The following TBX15 variants were observed in gnomAD, a reference collection of about 807,000 sequenced individuals.
The protein encoded by TBX15 is T-box transcription factor 15, also known as T-box transcription factor TBX15.
A neutral mutation model predicts 53.9 loss-of-function variants in TBX15; 18 were observed. The observed-to-expected ratio is 0.33, with a 90% CI of 0.23 to 0.49. The LOEUF (loss-of-function observed/expected upper bound fraction) is 0.49, where lower values mean the gene tolerates loss of function less well. Among genes scored for constraint, TBX15 ranks in the 20% least tolerant of loss-of-function variants. The probability of loss-of-function intolerance (pLI) is 0.98; values close to 1 mark genes in which losing one functional copy is unlikely to be tolerated. For synonymous variants in TBX15, 295 were observed against 278.0 expected, an observed-to-expected ratio of 1.06 and a Z score of -0.61; for missense variants, 692 against 749.5, an observed-to-expected ratio of 0.92 and a Z score of 0.90.
intron 1 of TBX15, among the ~76,000 whole-genome samples, chr1:118,966,018 A>T (rs2799758): frequency 1.3e-5 from 2 of 152,112 alleles, no homozygotes. Flanking sequence ...TATGCTTCTC[A>T]CTGTTCATTT....
intron 1 of TBX15, among the ~76,000 whole-genome samples, chr1:118,943,120 G>T (rs534236341): frequency 1.3e-5 from 2 of 152,302 alleles, no homozygotes; most frequent in East Asian, 1.9e-4. Context: ...TCTCAGTGAA[G>T]CCCCTGGCGC....
chr1:118,964,525 C>A (rs1656978866), intron 1 of TBX15, among the ~76,000 whole-genome samples: 1 of 152,250 alleles, frequency 6.6e-6, no homozygotes, highest in Non-Finnish European at 1.5e-5. Flanking sequence ...TAACCACTAT[C>A]CTCCTTGAAA....
At position 118,885,023 on chromosome 1, in the gene TBX15, G is replaced by A. The variant is rs768705550; in HGVS notation, c.1518C>T (p.Tyr506=). The A allele has an allele frequency of 6.2e-7, 1 of 1,614,020 alleles. No individual in the cohort carries two copies. Among genetic ancestry groups the A allele is most frequent in the Non-Finnish European group, 8.5e-7 (1 of 1,180,018 alleles). Residue 506 remains tyrosine (Y), a synonymous_variant, in exon 8 of 8, where the codon TAC becomes TAT. Coordinates refer to ENST00000369429, the MANE Select transcript of TBX15 (RefSeq NM_001330677.2). ...AAGGGTTGTGAAGGGAGAAGGCATTGTAGGAGCTCTGCTGCATGTGGCTGC... is the reference window on the plus strand; with the variant it reads ...AAGGGTTGTGAAGGGAGAAGGCATTATAGGAGCTCTGCTGCATGTGGCTGC... ...FGGSHMQQSS[Y]NAFSLHNPYN...
chr1:118,884,484 C>T lies in TBX15; in HGVS notation c.*248G>A, dbSNP rs536738606. ...AAAGGCCACTCTGGAACAGACAATGCTTTATAAAACTAAGGTCTGGGAAGG... is the reference window on the plus strand; with the variant it reads ...AAAGGCCACTCTGGAACAGACAATGTTTTATAAAACTAAGGTCTGGGAAGG... On this transcript the variant is annotated 3_prime_UTR_variant, in exon 8 of 8. Transcript: ENST00000369429. The T allele has an allele frequency of 9.1e-6, 5 of 549,678 alleles. No homozygotes were observed. In the South Asian group the frequency reaches 1.1e-4, roughly 12 times the overall value. The allele number at this position is 549,678 out of a possible 1,614,324, so 34.1% of individuals were successfully genotyped here. A position where few individuals can be genotyped will look rare whatever the true frequency, so the allele number is the denominator to read the frequency against.
chr1:118,946,574 G>T (rs1331270805), intron 1 of TBX15, among the ~76,000 whole-genome samples: 2 of 152,072 alleles, frequency 1.3e-5, no homozygotes, highest in Admixed American at 1.3e-4. Context: ...CAATGAAAAA[G>T]ATTCAAAAGA....
Position 118,972,361 on chromosome 1 carries a change from G to A in TBX15, c.205+15230C>T, listed in dbSNP as rs112466916. Among the ~76,000 whole-genome samples the A allele has an allele frequency of 5.4e-3, 820 of 152,156 alleles. 12 individuals carry two copies. The highest frequency in any genetic ancestry group is 0.019 in the African/African-American group (778 of 41,498). On this transcript the variant is annotated intron_variant, in intron 1 of 7. Transcript: ENST00000369429. The stretch of plus-strand genomic sequence containing the variant: ...CCCTTTTCCTTCTTAAAATGATCCT[G>A]TCATATTTGGTGCTCAAGATAGATC...
chr1:118,972,438 A>C (rs34072728), intron 1 of TBX15, among the ~76,000 whole-genome samples: 15,983 of 152,234 alleles, frequency 0.1, 935 homozygotes, highest in Non-Finnish European at 0.13. Flanking sequence ...AAAAAGCAGG[A>C]GGAACGGTGC....
At chr1:118,954,932 C>A (rs892553926) in intron 1 of TBX15, among the ~76,000 whole-genome samples, 4 of 152,162 alleles carry the variant, frequency 2.6e-5, no homozygotes, top group Admixed American at 1.3e-4. Context: ...GAGTCCCAAG[C>A]ACCTCCTTGG....
chr1:118,884,543 A>G lies in TBX15; in HGVS notation c.*189T>C, dbSNP rs774427470. 4 of 691,448 alleles carry G rather than the reference A, an allele frequency of 5.8e-6. No homozygotes were observed. Among genetic ancestry groups the G allele is most frequent in the African/African-American group, 5.5e-5 (3 of 54,826 alleles). The allele number at this position is 691,448 out of a possible 1,614,324, so 42.8% of individuals were successfully genotyped here. A position where few individuals can be genotyped will look rare whatever the true frequency, so the allele number is the denominator to read the frequency against. ...TGGCCACTGAGTTGCGGATGATTCT[A>G]TCGCAAGTATCCTTCACTGGCTTAA... On this transcript the variant is annotated 3_prime_UTR_variant, in exon 8 of 8. Coordinates refer to ENST00000369429, the MANE Select transcript of TBX15 (RefSeq NM_001330677.2).
At chr1:118,980,221 C>T (rs941779510) in intron 1 of TBX15, among the ~76,000 whole-genome samples, 1 of 152,074 alleles carries the variant, frequency 6.6e-6, no homozygotes, top group Non-Finnish European at 1.5e-5. Context: ...AACTGCTTCC[C>T]GGACCCTATC....
chr1:118,929,170 G>T (rs1422884154), intron 2 of TBX15, among the ~76,000 whole-genome samples: 1 of 152,190 alleles, frequency 6.6e-6, no homozygotes, highest in East Asian at 1.9e-4. Flanking sequence ...TGATTATGCA[G>T]GTTGGGTTGG....
chr1:118,977,600 G>T (rs1657478350), intron 1 of TBX15, among the ~76,000 whole-genome samples: 1 of 152,234 alleles, frequency 6.6e-6, no homozygotes, highest in East Asian at 1.9e-4. Flanking sequence ...ACGGTGGGGA[G>T]CCATCACTGG....
intron 1 of TBX15, among the ~76,000 whole-genome samples, chr1:118,962,429 T>C (rs1656910434): frequency 1.3e-5 from 2 of 152,134 alleles, no homozygotes; most frequent in Admixed American, 1.3e-4. Flanking sequence ...GCAGGCTACT[T>C]ACTCTTGTCT....
chr1:118,954,116 C>A (rs1351668191), intron 1 of TBX15, among the ~76,000 whole-genome samples: 1 of 152,182 alleles, frequency 6.6e-6, no homozygotes, highest in Non-Finnish European at 1.5e-5. Flanking sequence ...TCTTCCCCAA[C>A]ACATAATCAA....
At chr1:118,966,661 G>A (rs969810081) in intron 1 of TBX15, among the ~76,000 whole-genome samples, 1 of 152,202 alleles carries the variant, frequency 6.6e-6, no homozygotes, top group Non-Finnish European at 1.5e-5. Context: ...TAGCAGGAAA[G>A]CAACAGGTCT....
chr1:118,984,198 C>A (rs575476004), intron 1 of TBX15, among the ~76,000 whole-genome samples: 5 of 152,230 alleles, frequency 3.3e-5, no homozygotes, highest in African/African-American at 4.8e-5. Flanking sequence ...CACGTGTACA[C>A]GTGTACGCGG....
At chr1:118,928,132 C>A (rs112303294) in intron 2 of TBX15, among the ~76,000 whole-genome samples, 18 of 152,328 alleles carry the variant, frequency 1.2e-4, no homozygotes, top group African/African-American at 4.1e-4. Context: ...ACTCACTACT[C>A]ATCCAGGAGA....
chr1:118,982,837 T>A (rs1490954736), intron 1 of TBX15, among the ~76,000 whole-genome samples: 3 of 152,154 alleles, frequency 2.0e-5, no homozygotes, highest in Non-Finnish European at 4.4e-5. Context: ...GTTGCCCCCA[T>A]GAAATCTTCC....
At chr1:118,922,875 T>C (rs998817496) in intron 5 of TBX15, among the ~76,000 whole-genome samples, 63 of 152,184 alleles carry the variant, frequency 4.1e-4, no homozygotes, top group African/African-American at 1.4e-3. Flanking sequence ...TTCAGTGTTC[T>C]ACAAAGTAAA....
Sources: allele counts gnomAD v4.1 joint callset (sites outside exome capture counted in the v4.1 genomes callset), GRCh38; gene constraint gnomAD v4.1.1; transcripts MANE v1.5; gene names NCBI Gene and HGNC (gene_info 2026-07-23, HGNC 2026-07-21).